ATRNL1: variants seen among roughly 807,000 people sequenced by gnomAD.
The protein encoded by ATRNL1 is attractin-like protein 1.
ATRNL1 carries 95 observed loss-of-function variants against 182.7 expected under a neutral mutation model. The observed-to-expected ratio is 0.52, with a 90% CI of 0.44 to 0.62. The LOEUF (loss-of-function observed/expected upper bound fraction) is 0.62, where lower values mean the gene tolerates loss of function less well. Among genes scored for constraint, ATRNL1 ranks in the 20% least tolerant of loss-of-function variants. The probability of loss-of-function intolerance (pLI) is 0.00; values close to 1 mark genes in which losing one functional copy is unlikely to be tolerated. For missense variants in ATRNL1, 1,471 were observed against 1,679.5 expected (o/e 0.88, Z 2.17); for synonymous variants, 576 against 568.3 (o/e 1.01, Z -0.19).
intron 14 of ATRNL1, among the ~76,000 whole-genome samples, chr10:115,284,636 G>C (rs1368612335): frequency 6.6e-6 from 1 of 152,116 alleles, no homozygotes. Flanking sequence ...GGTCCATTTG[G>C]TGAAGACTAA....
In ATRNL1 at chr10:115,133,146, A is replaced by G. The variant is rs531643591; in HGVS notation, c.829+3611A>G. ...AAGAGATCTAGTTTCAGCCTTCTAC[A>G]TATGGCTAGCCAGTTTTCCCAGAAC... On this transcript the variant is annotated intron_variant, in intron 5 of 28. Coordinates refer to ENST00000355044, the MANE Select transcript of ATRNL1 (RefSeq NM_207303.4). Among the ~76,000 whole-genome samples, 9 of 152,318 alleles carry G rather than the reference A, an allele frequency of 5.9e-5. No individual in the cohort carries two copies. The South Asian group carries it at 1.2e-3, about 21-fold the overall frequency.
chr10:115,521,479 G>C (rs1850932610), intron 25 of ATRNL1, among the ~76,000 whole-genome samples: 1 of 152,130 alleles, frequency 6.6e-6, no homozygotes, highest in Non-Finnish European at 1.5e-5. Context: ...ATGCAGAATA[G>C]TCTGGAAGAA....
intron 8 of ATRNL1, among the ~76,000 whole-genome samples, chr10:115,213,898 T>A (rs910383069): frequency 6.6e-6 from 1 of 152,060 alleles, no homozygotes; most frequent in Non-Finnish European, 1.5e-5. Context: ...AGTAACAAAG[T>A]AGAGTTATTT....
chr10:115,653,288 ATG>A (rs1860127476), intron 26 of ATRNL1, among the ~76,000 whole-genome samples: 2 of 152,194 alleles, frequency 1.3e-5, no homozygotes, highest in African/African-American at 4.8e-5. Flanking sequence ...TATTTTGGTC[ATG>A]AGTGCCTCTT....
intron 1 of ATRNL1, among the ~76,000 whole-genome samples, chr10:115,105,711 C>T (rs1843977839): frequency 6.6e-6 from 1 of 152,210 alleles, no homozygotes; most frequent in African/African-American, 2.4e-5. Context: ...GCTGTGGCTT[C>T]AGAGGGTGCA....
intron 28 of ATRNL1, among the ~76,000 whole-genome samples, chr10:115,895,512 T>C (rs1369077334): frequency 6.6e-6 from 1 of 152,202 alleles, no homozygotes; most frequent in Non-Finnish European, 1.5e-5. Context: ...GACTCCTTCA[T>C]CTGACAAACC....
intron 25 of ATRNL1, among the ~76,000 whole-genome samples, chr10:115,525,978 G>T (rs1334452518): frequency 3.3e-5 from 5 of 152,056 alleles, no homozygotes; most frequent in Non-Finnish European, 5.9e-5. Flanking sequence ...GTCATGCTGT[G>T]ATTTAATCCC....
intron 27 of ATRNL1, among the ~76,000 whole-genome samples, chr10:115,836,077 C>T (rs1950664845): frequency 6.6e-6 from 1 of 152,184 alleles, no homozygotes; most frequent in African/African-American, 2.4e-5. Context: ...CCTTTGCATT[C>T]TAAGGAGCAA....
intron 8 of ATRNL1, among the ~76,000 whole-genome samples, chr10:115,189,858 CA>C (rs1339451323): frequency 1.3e-5 from 2 of 152,110 alleles, no homozygotes; most frequent in Non-Finnish European, 2.9e-5. Flanking sequence ...CCCACTGACT[CA>C]TCCAGAGCAA....
At chr10:115,782,674 T>C (rs1555079577) in intron 27 of ATRNL1, among the ~76,000 whole-genome samples, 1 of 152,206 alleles carries the variant, frequency 6.6e-6, no homozygotes, top group Non-Finnish European at 1.5e-5. Context: ...GGTCATTCTG[T>C]TGGATCTTTT....
intron 26 of ATRNL1, among the ~76,000 whole-genome samples, chr10:115,593,430 G>T (rs1477901180): frequency 6.6e-6 from 1 of 152,150 alleles, no homozygotes; most frequent in Non-Finnish European, 1.5e-5. Flanking sequence ...GATCCCAGAA[G>T]TAAATCTGCA....
At position 115,868,653 on chromosome 10, in the gene ATRNL1, T is replaced by G. The variant is rs1951496038; in HGVS notation, c.4018+20662T>G. 2.6e-5 allele frequency among the ~76,000 whole-genome samples: 4 copies of G among 152,084 alleles called. No homozygotes were observed. The South Asian group carries it at 8.3e-4, about 32-fold the overall frequency. ...TGCAGTTCGCCCAGGGTCATACAGC[T>G]GATTATTAGGAGAACCAGCATGTGA... On this transcript the variant is annotated intron_variant, in intron 28 of 28. Coordinates refer to ENST00000355044, the MANE Select transcript of ATRNL1 (RefSeq NM_207303.4).
At chr10:115,784,552 C>T (rs569296234) in intron 27 of ATRNL1, among the ~76,000 whole-genome samples, 1 of 152,138 alleles carries the variant, frequency 6.6e-6, no homozygotes, top group Non-Finnish European at 1.5e-5. Flanking sequence ...TGACTTTAAA[C>T]AATAAAAATG....
At chr10:115,252,482 C>G (rs979542216) in intron 10 of ATRNL1, among the ~76,000 whole-genome samples, 4 of 152,180 alleles carry the variant, frequency 2.6e-5, no homozygotes, top group Admixed American at 6.5e-5. Context: ...ACAGGTCATG[C>G]TGGAGAGTAG....
At chr10:115,516,114 C>T (rs1644960872) in intron 24 of ATRNL1, among the ~76,000 whole-genome samples, 1 of 151,914 alleles carries the variant, frequency 6.6e-6, no homozygotes, top group South Asian at 2.1e-4. Flanking sequence ...GAGCTTCAAG[C>T]TAGTAGTTAC....
At position 115,348,933 on chromosome 10, in the gene ATRNL1, C is replaced by T. The variant is rs577469451; in HGVS notation, c.3175+14514C>T. On this transcript the variant is annotated intron_variant, in intron 19 of 28. Coordinates refer to ENST00000355044, the MANE Select transcript of ATRNL1 (RefSeq NM_207303.4). ...TGGGTAACTGAAATATCCATCACCT[C>T]AAACATTTATCATTTCTTTGTGTTG... 7.3e-4 allele frequency among the ~76,000 whole-genome samples: 111 copies of T among 152,304 alleles called. No homozygotes were observed. In the South Asian group the frequency reaches 0.021, roughly 28 times the overall value.
chr10:115,479,069 A>G (rs1554973642), intron 24 of ATRNL1, among the ~76,000 whole-genome samples: 1 of 151,578 alleles, frequency 6.6e-6, no homozygotes, highest in East Asian at 1.9e-4. Flanking sequence ...TTATCTTTTC[A>G]GTCTACTAGC....
rs372587478 is a variant in ATRNL1 at position 115,561,306 on chromosome 10, A to C, written c.3795+11770A>C. ...TTCCAAGTCAGTAATCAAAAGGCAAATTACCCACTTAAAAATGTATAAAGA... is the reference window on the plus strand; with the variant it reads ...TTCCAAGTCAGTAATCAAAAGGCAACTTACCCACTTAAAAATGTATAAAGA... On this transcript the variant is annotated intron_variant, in intron 26 of 28. Coordinates refer to ENST00000355044, the MANE Select transcript of ATRNL1 (RefSeq NM_207303.4). 2.6e-4 allele frequency among the ~76,000 whole-genome samples: 40 copies of C among 152,278 alleles called. 1 individual carries two copies. The South Asian group carries it at 8.1e-3, about 31-fold the overall frequency.
At chr10:115,245,220 C>G (rs10885677) in intron 10 of ATRNL1, among the ~76,000 whole-genome samples, 2 of 151,730 alleles carry the variant, frequency 1.3e-5, no homozygotes, top group African/African-American at 4.8e-5. Context: ...CTTAACTGGC[C>G]GGGCACGGTG....
Sources: gnomAD v4.1 joint callset for allele counts (sites outside exome capture counted in the v4.1 genomes callset) on GRCh38, gnomAD v4.1.1 for gene constraint, MANE v1.5 for transcripts, NCBI Gene and HGNC (gene_info 2026-07-23, HGNC 2026-07-21) for gene names.